Variants in PLXNA1 observed in about 807,000 individuals in gnomAD.
PLXNA1 encodes the protein plexin-A1.
A neutral mutation model predicts 191.7 loss-of-function variants in PLXNA1; 77 were observed. That is an observed-to-expected ratio of 0.40 (90% confidence interval 0.33 to 0.49). PLXNA1 has a LOEUF of 0.49. Ranked by LOEUF, PLXNA1 falls within the 20% of genes least tolerant of loss-of-function variation. PLXNA1 has a pLI of 0.63. For missense variants in PLXNA1, 2,110 were observed against 2,660.2 expected, an observed-to-expected ratio of 0.79 and a Z score of 4.55; for synonymous variants, 1,137 against 1,156.4, an observed-to-expected ratio of 0.98 and a Z score of 0.34.
Position 126,989,051 on chromosome 3 carries a change from AC to A in PLXNA1, c.460del (p.His154ThrfsTer110). The A allele has an allele frequency of 1.9e-6, 3 of 1,613,336 alleles. No individual in the cohort carries two copies. Among genetic ancestry groups the A allele is most frequent in the Non-Finnish European group, 2.5e-6 (3 of 1,180,030 alleles). On this transcript the variant is annotated frameshift_variant, in exon 2 of 32. Transcript: ENST00000393409. LOFTEE classifies it high-confidence loss of function. Reference sequence around the variant, plus strand: ...GATCTCTTCAAACTGGGTGAGCCACACCACCGTAAGGAGCACTACCTGTCCA... The same window carrying A: ...GATCTCTTCAAACTGGGTGAGCCACACACCGTAAGGAGCACTACCTGTCCA... ...LDDLFKLGEP[H>X]HRKEHYLSSV...
chr3:127,007,157 G>T (rs142634990), intron 8 of PLXNA1, among the ~76,000 whole-genome samples: 2 of 152,160 alleles, frequency 1.3e-5, no homozygotes, highest in Non-Finnish European at 2.9e-5. Flanking sequence ...GGGAGCTGGC[G>T]GGTCAGGAGA....
At chr3:127,003,306 A>G (rs777645952) in intron 3 of PLXNA1, 24 bp from the exon 4 acceptor site, 114 of 1,574,592 alleles carry the variant, frequency 7.2e-5, no homozygotes, top group Non-Finnish European at 9.9e-5. Context: ...GCACAGCTCC[A>G]GTTAGGGCCC....
In PLXNA1 at chr3:127,014,249, C is replaced by T. The variant is rs373130452; in HGVS notation, c.2478C>T (p.Phe826=). 8.7e-6 allele frequency: 14 copies of T among 1,602,066 alleles called. No individual in the cohort carries two copies. The African/African-American group carries it at 1.3e-4, about 15-fold the overall frequency. ...TCTGCCTCAAGGCCGACCCGCGCTT[C>T]GAGTGCGGATGGTGCGTGGCCGAGC... ...CGLCLKADPR[F]ECGWCVAERR... The change falls in exon 12 of 32, where the codon TTC becomes TTT. Residue 826 remains phenylalanine (F), a synonymous_variant. Coordinates refer to ENST00000393409, the MANE Select transcript of PLXNA1 (RefSeq NM_032242.4).
intron 14 of PLXNA1, 121 bp downstream of exon 14, chr3:127,014,952 C>T (rs1188814261): frequency 5.5e-6 from 8 of 1,460,500 alleles, no homozygotes; most frequent in Admixed American, 2.2e-5. Context: ...TTTTCCACGG[C>T]CTGGGTGCTG....
chr3:126,990,876 C>T (rs898342712), intron 2 of PLXNA1, among the ~76,000 whole-genome samples: 1 of 152,200 alleles, frequency 6.6e-6, no homozygotes, highest in Non-Finnish European at 1.5e-5. Flanking sequence ...CCACCACACT[C>T]TCTCTTTGTG....
At position 127,016,561 on chromosome 3, in the gene PLXNA1, G is replaced by T. The variant is rs2079124505; in HGVS notation, c.3059G>T (p.Ser1020Ile). The T allele has an allele frequency of 6.2e-7, 1 of 1,613,908 alleles. No homozygotes were observed. The highest frequency in any genetic ancestry group is 1.3e-5 in the African/African-American group (1 of 75,028). Residue 1020 changes from serine (S) to isoleucine (I), a missense_variant, in exon 16 of 32, where the codon AGC (serine) becomes ATC (isoleucine). Ser to Ile is a moderately radical substitution (Grantham distance 142, BLOSUM62 -2). Coordinates refer to ENST00000393409, the MANE Select transcript of PLXNA1 (RefSeq NM_032242.4). ...EIRCLTPPGQ[S>I]PGSAPIIINI... The stretch of plus-strand genomic sequence containing the variant: ...CGGTGCCTGACACCCCCCGGGCAGA[G>T]CCCTGGCAGCGCTCCCATCATCATC...
At chr3:127,006,262 T>C in intron 8 of PLXNA1, 84 bp downstream of exon 8, 1 of 1,032,302 alleles carries the variant, frequency 9.7e-7, no homozygotes, top group South Asian at 1.3e-5. Context: ...GTGCTTGCTG[T>C]CTGCAGACCT....
chr3:127,022,720 A>G (rs373673389), intron 22 of PLXNA1, 32 bp from the exon 23 acceptor site: 417 of 1,601,428 alleles, frequency 2.6e-4, no homozygotes, highest in Non-Finnish European at 3.3e-4. Flanking sequence ...AGCTGGAATG[A>G]CACCACTCTG....
rs368450040 is a variant in PLXNA1, at chr3:127,033,999, G to C, written c.5673G>C (p.Thr1891=). Residue 1891 remains threonine, a synonymous_variant, in exon 32 of 32, where the codon ACG becomes ACC. Coordinates refer to ENST00000393409, the MANE Select transcript of PLXNA1 (RefSeq NM_032242.4). ...LRSKLEQVVD[T]MALSS The stretch of plus-strand genomic sequence containing the variant: ...GCAAGCTGGAGCAGGTGGTGGACAC[G>C]ATGGCCCTGAGCAGCTGAGCCCCAG... The C allele has an allele frequency of 1.2e-6, 2 of 1,602,430 alleles. No individual in the cohort carries two copies. Among genetic ancestry groups the C allele is most frequent in the East Asian group, 4.5e-5 (2 of 44,448 alleles).
At chr3:127,027,629 C>T in intron 23 of PLXNA1, 3 of 519,384 alleles carry the variant, frequency 5.8e-6, no homozygotes, top group South Asian at 4.6e-5. Context: ...TGAAATAGGC[C>T]TCGGCCCTCC....
At chr3:127,033,779 G>T in intron 31 of PLXNA1, 143 bp from the exon 32 acceptor site, 4 of 654,876 alleles carry the variant, frequency 6.1e-6, no homozygotes, top group Non-Finnish European at 1.1e-5. Flanking sequence ...GTCCTGGAGG[G>T]TCCAGGCTCA....
Position 126,988,603 on chromosome 3 carries a change from C to A in PLXNA1, c.10C>A (p.Pro4Thr). MPLPPRSLQVLLLL... is the reference protein window; with the variant it reads MPLTPRSLQVLLLL... ...AAGGCCCCAGCCTGCCATGCCGCTG[C>A]CACCGCGGAGCCTGCAGGTGCTCCT... is the stretch of plus-strand genomic sequence containing the variant. Residue 4 changes from proline to threonine, a missense_variant, in exon 2 of 32, where the codon CCA becomes ACA. Pro to Thr is a conservative substitution (Grantham distance 38). Transcript: ENST00000393409. 1 of 1,524,046 alleles carries A rather than the reference C, an allele frequency of 6.6e-7. No homozygotes were observed. Among genetic ancestry groups the A allele is most frequent in the Non-Finnish European group, 8.8e-7 (1 of 1,138,722 alleles). 94.4% of individuals were successfully genotyped at this position (1,524,046 alleles called of 1,614,324 possible). A position where few individuals can be genotyped will look rare whatever the true frequency, so the allele number is the denominator to read the frequency against.
intron 9 of PLXNA1, among the ~76,000 whole-genome samples, chr3:127,010,431 C>T (rs531113968): frequency 5.3e-5 from 8 of 152,228 alleles, no homozygotes; most frequent in African/African-American, 1.4e-4. Flanking sequence ...GCATGGGTGC[C>T]GAGCTTCCTG....
At chr3:126,994,972 G>T (rs1000019178) in intron 3 of PLXNA1, among the ~76,000 whole-genome samples, 5 of 152,082 alleles carry the variant, frequency 3.3e-5, no homozygotes, top group Admixed American at 3.3e-4. Context: ...CTGGGCCCTG[G>T]GGACCCCCAG....
intron 9 of PLXNA1, among the ~76,000 whole-genome samples, chr3:127,011,084 C>T (rs1018287826): frequency 7.2e-5 from 11 of 152,222 alleles, no homozygotes; most frequent in African/African-American, 2.7e-4. Context: ...GCGCCTCAGA[C>T]TGCCAGGGAG....
intron 26 of PLXNA1, 42 bp from the exon 27 acceptor site, chr3:127,029,398 G>A: frequency 6.3e-7 from 1 of 1,586,046 alleles, no homozygotes; most frequent in Non-Finnish European, 8.7e-7. Flanking sequence ...TGGTGCAGGG[G>A]CACCCTGGTG....
chr3:126,992,092 A>T (rs1248714663), intron 3 of PLXNA1, among the ~76,000 whole-genome samples: 2 of 152,140 alleles, frequency 1.3e-5, no homozygotes, highest in Non-Finnish European at 2.9e-5. Flanking sequence ...GCTCCAGCAC[A>T]CAGCCCTGGG....
At chr3:127,031,684 T>C (rs928618862) in intron 29 of PLXNA1, among the ~76,000 whole-genome samples, 9 of 152,184 alleles carry the variant, frequency 5.9e-5, no homozygotes, top group African/African-American at 2.2e-4. Flanking sequence ...GAGTCTAGGA[T>C]TTAAATGAAG....
intron 8 of PLXNA1, among the ~76,000 whole-genome samples, chr3:127,007,195 T>G (rs1410564410): frequency 6.6e-6 from 1 of 152,126 alleles, no homozygotes; most frequent in African/African-American, 2.4e-5. Flanking sequence ...AGGTGGTGTC[T>G]TCCTGGAGGC....
Sources: gnomAD v4.1 joint callset for allele counts (sites outside exome capture counted in the v4.1 genomes callset) on GRCh38, gnomAD v4.1.1 for gene constraint, MANE v1.5 for transcripts, NCBI Gene and HGNC (gene_info 2026-07-23, HGNC 2026-07-21) for gene names.